Variants in GRAMD1C observed in about 807,000 individuals in gnomAD.
The protein encoded by GRAMD1C is protein Aster-C.
Under a neutral mutation model 97.8 loss-of-function variants are expected in GRAMD1C, and 89 were observed. The ratio of observed to expected loss-of-function variants is 0.91; its 90% CI spans 0.77 to 1.09. GRAMD1C has a LOEUF of 1.09. GRAMD1C is among the 50% of genes least tolerant of loss of function. GRAMD1C has a pLI of 0.00. For synonymous variants in GRAMD1C, 256 were observed against 267.0 expected, an observed-to-expected ratio of 0.96 and a Z score of 0.40; for missense variants, 740 against 766.4, an observed-to-expected ratio of 0.97 and a Z score of 0.41.
At chr3:113,883,524 CAAA>C (rs1374405481) in intron 6 of GRAMD1C, among the ~76,000 whole-genome samples, 3 of 69,776 alleles carry the variant, frequency 4.3e-5, no homozygotes, top group South Asian at 4.8e-4. Flanking sequence ...GATCCTGTTT[CAAA>C]AAAAAAAAAA....
intron 6 of GRAMD1C, among the ~76,000 whole-genome samples, chr3:113,892,659 C>T (rs941747989): frequency 1.3e-5 from 2 of 152,164 alleles, no homozygotes; most frequent in African/African-American, 4.8e-5. Flanking sequence ...AGTTCACAGT[C>T]TGTGAGTTTA....
chr3:113,924,363 T>TTAGA lies in GRAMD1C; in HGVS notation c.1091-6349_1091-6346dup, dbSNP rs1937163026. On this transcript the variant is annotated intron_variant, in intron 10 of 17. Coordinates refer to ENST00000358160, the MANE Select transcript of GRAMD1C (RefSeq NM_017577.5). ...TTTTCTAGTTCCTCTAGGTGTGATG[T>TTAGA]TAGATTGTTATTTCTAGATCTTTCT... 2.6e-5 allele frequency among the ~76,000 whole-genome samples: 4 copies of TTAGA among 152,188 alleles called. No individual in the cohort carries two copies. The South Asian group carries it at 8.3e-4, about 31-fold the overall frequency.
At chr3:113,889,336 C>T (rs779331100) in intron 6 of GRAMD1C, among the ~76,000 whole-genome samples, 9 of 152,170 alleles carry the variant, frequency 5.9e-5, no homozygotes, top group Admixed American at 6.6e-5. Context: ...AGAACACATC[C>T]TGTAGGATTC....
At chr3:113,906,712 T>C (rs771173407) in intron 8 of GRAMD1C, among the ~76,000 whole-genome samples, 1 of 152,212 alleles carries the variant, frequency 6.6e-6, no homozygotes, top group Non-Finnish European at 1.5e-5. Flanking sequence ...TCTGCAGTAG[T>C]GTTCAGTAAT....
At chr3:113,904,041 C>A in intron 7 of GRAMD1C, 99 bp from the exon 8 acceptor site, 1 of 793,588 alleles carries the variant, frequency 1.3e-6, no homozygotes, top group Admixed American at 2.5e-5. Flanking sequence ...CATTTATTAT[C>A]AAACTGTTTT....
At chr3:113,873,285 C>CA (rs1470870108) in intron 3 of GRAMD1C, among the ~76,000 whole-genome samples, 5 of 151,788 alleles carry the variant, frequency 3.3e-5, no homozygotes, top group African/African-American at 4.8e-5. Flanking sequence ...ACAGCAACAA[C>CA]AAAAAACACT....
At chr3:113,828,685 T>A (rs1709518909) in intron 1 of GRAMD1C, among the ~76,000 whole-genome samples, 1 of 152,124 alleles carries the variant, frequency 6.6e-6, no homozygotes, top group South Asian at 2.1e-4. Context: ...CATTGAAGAT[T>A]TTTGCTCCTT....
At chr3:113,853,290 A>G (rs914644887) in intron 2 of GRAMD1C, among the ~76,000 whole-genome samples, 1 of 152,226 alleles carries the variant, frequency 6.6e-6, no homozygotes. Context: ...GTATTAGGAA[A>G]TTCCTCAAAT....
intron 5 of GRAMD1C, among the ~76,000 whole-genome samples, chr3:113,879,854 C>T (rs540556872): frequency 1.1e-4 from 17 of 151,980 alleles, no homozygotes; most frequent in South Asian, 8.3e-4. Flanking sequence ...CCACCATGCC[C>T]GGCTAATTTT....
At chr3:113,884,955 C>A (rs1481043460) in intron 6 of GRAMD1C, among the ~76,000 whole-genome samples, 1 of 144,868 alleles carries the variant, frequency 6.9e-6, no homozygotes, top group Non-Finnish European at 1.5e-5. Flanking sequence ...ACCTCCCCCG[C>A]TGCCCCCTCC....
At chr3:113,904,368 A>C in intron 8 of GRAMD1C, 96 bp downstream of exon 8, 1 of 897,678 alleles carries the variant, frequency 1.1e-6, no homozygotes, top group South Asian at 1.8e-5. Flanking sequence ...AAATGTTAAA[A>C]ATAAGATATC....
At chr3:113,937,377 ATGTTT>A (rs982604867) in intron 14 of GRAMD1C, among the ~76,000 whole-genome samples, 11 of 150,198 alleles carry the variant, frequency 7.3e-5, no homozygotes, top group Non-Finnish European at 8.8e-5. Context: ...ATAGGTGATA[ATGTTT>A]TGTTTTGTTT....
chr3:113,924,517 C>G (rs1422910324), intron 10 of GRAMD1C, among the ~76,000 whole-genome samples: 2 of 152,114 alleles, frequency 1.3e-5, no homozygotes, highest in African/African-American at 4.8e-5. Flanking sequence ...GCCTTAATTT[C>G]ATTGTTTACT....
chr3:113,934,627 T>C (rs554756975), intron 13 of GRAMD1C, 92 bp downstream of exon 13: 8 of 644,382 alleles, frequency 1.2e-5, no homozygotes, highest in Non-Finnish European at 2.2e-5. Context: ...AACAGAAAAC[T>C]GGTCAATGAT....
At position 113,865,610 on chromosome 3, in the gene GRAMD1C, T is replaced by C. The variant is rs200373893; in HGVS notation, c.175-3897T>C. Among the ~76,000 whole-genome samples, 5 of 152,336 alleles carry C rather than the reference T, an allele frequency of 3.3e-5. No homozygotes were observed. The East Asian group carries it at 7.7e-4, about 23-fold the overall frequency. On this transcript the variant is annotated intron_variant, in intron 2 of 17. Transcript: ENST00000358160. ...ACAAGAAAAGAAGAAATTGGGGTCT[T>C]TGAGGACAGAAACTTCAAATGTTAA... is the stretch of plus-strand genomic sequence containing the variant.
chr3:113,927,523 C>G (rs1937268498), intron 10 of GRAMD1C, among the ~76,000 whole-genome samples: 1 of 152,234 alleles, frequency 6.6e-6, no homozygotes, highest in Non-Finnish European at 1.5e-5. Context: ...GGGCATCACT[C>G]AGGCCTGCAC....
At chr3:113,900,096 C>T (rs189384710) in intron 6 of GRAMD1C, among the ~76,000 whole-genome samples, 10 of 152,116 alleles carry the variant, frequency 6.6e-5, no homozygotes, top group African/African-American at 1.4e-4. Context: ...CCATGTCTCA[C>T]GCCTATAATA....
intron 1 of GRAMD1C, among the ~76,000 whole-genome samples, chr3:113,829,747 T>C (rs951328395): frequency 6.6e-6 from 1 of 152,188 alleles, no homozygotes; most frequent in Non-Finnish European, 1.5e-5. Context: ...CATACGTCAC[T>C]TAACAACTGG....
chr3:113,891,703 C>T (rs1418458715), intron 6 of GRAMD1C, among the ~76,000 whole-genome samples: 1 of 143,680 alleles, frequency 7.0e-6, no homozygotes, highest in South Asian at 2.4e-4. Flanking sequence ...CATAGAGAGA[C>T]CCCATTTCTA....
Sources: gnomAD v4.1 joint callset for allele counts (sites outside exome capture counted in the v4.1 genomes callset) on GRCh38, gnomAD v4.1.1 for gene constraint, MANE v1.5 for transcripts, NCBI Gene and HGNC (gene_info 2026-07-23, HGNC 2026-07-21) for gene names.